HK2: variants seen among roughly 807,000 people sequenced by gnomAD.
HK2 encodes the protein hexokinase-2.
Under a neutral mutation model 92.9 loss-of-function variants are expected in HK2, and 42 were observed. The ratio of observed to expected loss-of-function variants is 0.45; its 90% CI spans 0.35 to 0.58. HK2 has a LOEUF of 0.58. Among genes scored for constraint, HK2 ranks in the 20% least tolerant of loss-of-function variants. The pLI is 0.00. For synonymous variants in HK2, 422 were observed against 468.0 expected (o/e 0.90, Z 1.27); for missense variants, 978 against 1,245.1 (o/e 0.79, Z 3.23).
chr2:74,862,243 A>T (rs925916021), intron 2 of HK2, among the ~76,000 whole-genome samples: 6 of 152,338 alleles, frequency 3.9e-5, no homozygotes, highest in Non-Finnish European at 8.8e-5. Flanking sequence ...CAGCATTGGG[A>T]TTGGAACTTG....
intron 1 of HK2, among the ~76,000 whole-genome samples, chr2:74,835,808 C>A (rs1444303759): frequency 6.6e-6 from 1 of 152,208 alleles, no homozygotes; most frequent in Non-Finnish European, 1.5e-5. Context: ...CAGTTACATA[C>A]TTGGAATTTC....
Position 74,890,934 on chromosome 2 carries a change from A to G in HK2, c.2747A>G (p.Gln916Arg), listed in dbSNP as rs762672465. The G allele has an allele frequency of 1.2e-6, 2 of 1,614,202 alleles. No individual in the cohort carries two copies. The highest frequency in any genetic ancestry group is 1.7e-6 in the Non-Finnish European group (2 of 1,180,026). ...GCCTGCCGCATCCGTGAGGCTGGACAGCGATAGAACCCCTGAAATCGGAAG... is the reference window on the plus strand; with the variant it reads ...GCCTGCCGCATCCGTGAGGCTGGACGGCGATAGAACCCCTGAAATCGGAAG... Reference protein sequence around the residue: ...AVACRIREAGQR With the variant: ...AVACRIREAGRR The change falls in exon 18 of 18, where the codon CAG becomes CGG. Residue 916 changes from glutamine to arginine, a missense_variant. Physicochemically the swap from Gln to Arg is conservative, Grantham distance 43. Around this residue, in one of 3 missense-constraint regions of HK2, gnomAD observed 742 missense variants for 922.5 expected, o/e 0.80. Coordinates refer to ENST00000290573, the MANE Select transcript of HK2 (RefSeq NM_000189.5).
rs537287056 is a variant in HK2 at position 74,861,393 on chromosome 2, C to G, written c.227-6243C>G. 3.3e-5 allele frequency among the ~76,000 whole-genome samples: 5 copies of G among 151,258 alleles called. No homozygotes were observed. The South Asian group carries it at 6.3e-4, about 19-fold the overall frequency. On this transcript the variant is annotated intron_variant, in intron 2 of 17. Coordinates refer to ENST00000290573, the MANE Select transcript of HK2 (RefSeq NM_000189.5). ...TGAGATCATGCTGCTGCACTCCAGC[C>G]TGGGCGACAGAGTGAGACTCCGAAA...
At chr2:74,862,201 G>C (rs751696904) in intron 2 of HK2, among the ~76,000 whole-genome samples, 5 of 152,238 alleles carry the variant, frequency 3.3e-5, no homozygotes, top group Non-Finnish European at 7.3e-5. Flanking sequence ...GAGCAATTAG[G>C]CAACTTGCCC....
At chr2:74,870,474 A>G (rs1035255516) in intron 3 of HK2, among the ~76,000 whole-genome samples, 6 of 148,132 alleles carry the variant, frequency 4.1e-5, no homozygotes, top group Non-Finnish European at 3.0e-5. Context: ...AGGAGAAACC[A>G]TTTTGCTTTT....
intron 3 of HK2, among the ~76,000 whole-genome samples, chr2:74,870,192 T>G (rs1410735698): frequency 2.0e-5 from 3 of 151,994 alleles, no homozygotes; most frequent in Non-Finnish European, 4.4e-5. Context: ...GAATTTTTAG[T>G]AGAGACAGCT....
At position 74,867,849 on chromosome 2, in the gene HK2, C is replaced by G. The variant is rs943261500; in HGVS notation, c.375+65C>G. On this transcript the variant is annotated intron_variant, in intron 3 of 17. Transcript: ENST00000290573. ...ACTTCCTTGGCATGTTCTTTCTGTACTTTCTCCAGCCGCTCCCAGCGTGTG... is the reference window on the plus strand; with the variant it reads ...ACTTCCTTGGCATGTTCTTTCTGTAGTTTCTCCAGCCGCTCCCAGCGTGTG... 37 of 1,581,560 alleles carry G rather than the reference C, an allele frequency of 2.3e-5. No homozygotes were observed. In the East Asian group the frequency reaches 6.5e-4, roughly 28 times the overall value.
At position 74,834,477 on chromosome 2, in the gene HK2, C is replaced by A; in HGVS notation, c.-104C>A. ...GCCGTCCGGACTCCCAGCTCCCGGC[C>A]CGGCAGCCGAGCCCCAGCACAAAGC... On this transcript the variant is annotated 5_prime_UTR_variant, in exon 1 of 18. Coordinates refer to ENST00000290573, the MANE Select transcript of HK2 (RefSeq NM_000189.5). The surrounding 1 kb of genome is among the most constrained non-coding windows in gnomAD (Gnocchi z 4.2). 8.5e-7 allele frequency: 1 copy of A among 1,183,348 alleles called. No individual in the cohort carries two copies. Among genetic ancestry groups the A allele is most frequent in the Non-Finnish European group, 1.2e-6 (1 of 801,226 alleles). The allele number at this position is 1,183,348 out of a possible 1,614,324, so 73.3% of individuals were successfully genotyped here. A position where few individuals can be genotyped will look rare whatever the true frequency, so the allele number is the denominator to read the frequency against.
chr2:74,855,150 C>A (rs1185213843), intron 2 of HK2, among the ~76,000 whole-genome samples: 1 of 152,156 alleles, frequency 6.6e-6, no homozygotes, highest in East Asian at 1.9e-4. Flanking sequence ...GCATGTGCCA[C>A]CAAGCCCGGC....
At position 74,886,470 on chromosome 2, in the gene HK2, TG is replaced by T. The variant is rs567505133; in HGVS notation, c.2036-18del. On this transcript the variant is annotated intron_variant, in intron 14 of 17. Coordinates refer to ENST00000290573, the MANE Select transcript of HK2 (RefSeq NM_000189.5). Reference sequence around the variant, plus strand: ...GAGGGGTTGGTGCTGAGTGAGGCCCTGGTATCCTGTGATTGGCAGGCACGGG... The same window carrying T: ...GAGGGGTTGGTGCTGAGTGAGGCCCTGTATCCTGTGATTGGCAGGCACGGG... 1.2e-4 allele frequency: 200 copies of T among 1,614,022 alleles called. No homozygotes were observed. In the African/African-American group the frequency reaches 2.4e-3, roughly 19 times the overall value.
At chr2:74,854,224 C>G in intron 1 of HK2, 69 bp from the exon 2 acceptor site, 1 of 1,456,712 alleles carries the variant, frequency 6.9e-7, no homozygotes, top group South Asian at 1.1e-5. Context: ...GAGTGGTGTT[C>G]CATGACGTAC....
At position 74,889,384 on chromosome 2, in the gene HK2, G is replaced by T. The variant is rs781334898; in HGVS notation, c.2515G>T (p.Ala839Ser). The change falls in exon 17 of 18, where the codon GCC (alanine) becomes TCC (serine). Residue 839 changes from alanine (A) to serine (S), a missense_variant. Transcript: ENST00000290573. ...AGCCCAGCTCTGTGGCGCAGGCATG[G>T]CCGCTGTGGTGGACAGGATACGAGA... ...RAAQLCGAGM[A>S]AVVDRIRENR... 4.3e-6 allele frequency: 7 copies of T among 1,614,086 alleles called. No individual in the cohort carries two copies. The highest frequency in any genetic ancestry group is 5.9e-6 in the Non-Finnish European group (7 of 1,180,048).
At chr2:74,854,263 G>T (rs774494528) in intron 1 of HK2, 30 bp from the exon 2 acceptor site, 1 of 1,609,848 alleles carries the variant, frequency 6.2e-7, no homozygotes, top group Non-Finnish European at 8.5e-7. Context: ...TTAACCAGTG[G>T]TTTCTGCTCT....
At position 74,867,654 on chromosome 2, in the gene HK2, C is replaced by T; in HGVS notation, c.245C>T (p.Ala82Val). 2 of 1,613,568 alleles carry T rather than the reference C, an allele frequency of 1.2e-6. No homozygotes were observed. The highest frequency in any genetic ancestry group is 1.7e-6 in the Non-Finnish European group (2 of 1,179,990). ...TCTGCAGAACACGGAGAGTTCCTGG[C>T]TCTGGATCTTGGAGGGACCAACTTC... ...PDGTEHGEFL[A>V]LDLGGTNFRV... is the part of the protein sequence containing the mutation. The change falls in exon 3 of 18, where the codon GCT (alanine) becomes GTT (valine). Residue 82 changes from alanine to valine, a missense_variant. Ala to Val is a moderately conservative substitution (Grantham distance 64). This residue lies in a region of HK2 where 189 missense variants were observed against 289.5 expected (regional missense o/e 0.65). Transcript: ENST00000290573.
intron 12 of HK2, among the ~76,000 whole-genome samples, chr2:74,884,915 C>T (rs11888976): frequency 0.061 from 9,332 of 152,260 alleles, 924 homozygotes; most frequent in African/African-American, 0.21. Context: ...CACTGAAAGA[C>T]ATGGGGTGGT....
chr2:74,871,644 C>T (rs565914510), intron 3 of HK2, among the ~76,000 whole-genome samples: 1 of 152,228 alleles, frequency 6.6e-6, no homozygotes, highest in African/African-American at 2.4e-5. Flanking sequence ...ATTTATTTCT[C>T]AGCGCTCTTC....
At chr2:74,846,170 G>A (rs1688429519) in intron 1 of HK2, among the ~76,000 whole-genome samples, 1 of 152,242 alleles carries the variant, frequency 6.6e-6, no homozygotes. Flanking sequence ...TTGCAAGCAT[G>A]TGTCAGCACA....
Position 74,887,885 on chromosome 2 carries a change from A to G in HK2, c.2220-18A>G, listed in dbSNP as rs1215756772. The G allele has an allele frequency of 1.9e-6, 3 of 1,612,604 alleles. No homozygotes were observed. Among genetic ancestry groups the G allele is most frequent in the East Asian group, 4.5e-5 (2 of 44,840 alleles). The stretch of plus-strand genomic sequence containing the variant: ...CCACCTTCCTACTTAACCTCCATGA[A>G]TGTTACTTGCATTGCAGGTTCGAGA... On this transcript the variant is annotated intron_variant, in intron 15 of 17. Coordinates refer to ENST00000290573, the MANE Select transcript of HK2 (RefSeq NM_000189.5).
chr2:74,837,884 C>G (rs1688205604), intron 1 of HK2, among the ~76,000 whole-genome samples: 1 of 151,948 alleles, frequency 6.6e-6, no homozygotes, highest in South Asian at 2.1e-4. Flanking sequence ...CCATGTTGGC[C>G]AGGATGGTCT....
Sources: allele counts gnomAD v4.1 joint callset (sites outside exome capture counted in the v4.1 genomes callset), GRCh38; gene constraint gnomAD v4.1.1; regional missense constraint gnomAD v4.1.1; non-coding constraint Gnocchi (gnomAD v3.1); transcripts MANE v1.5; gene names NCBI Gene and HGNC (gene_info 2026-07-23, HGNC 2026-07-21).